Variants in MYO5B observed in about 807,000 individuals in gnomAD.
MYO5B encodes the protein myosin VB, also known as unconventional myosin-Vb.
Under a neutral mutation model 229.3 loss-of-function variants are expected in MYO5B, and 143 were observed. The observed-to-expected ratio is 0.62, with a 90% CI of 0.54 to 0.72. The LOEUF (loss-of-function observed/expected upper bound fraction) is 0.72, where lower values mean the gene tolerates loss of function less well. Among genes scored for constraint, MYO5B ranks in the 30% least tolerant of loss-of-function variants. The probability of loss-of-function intolerance (pLI) is 0.00; values close to 1 mark genes in which losing one functional copy is unlikely to be tolerated. For synonymous variants in MYO5B, 918 were observed against 885.2 expected (o/e 1.04, Z -0.66); for missense variants, 2,321 against 2,331.0 (o/e 1.00, Z 0.09).
intron 2 of MYO5B, among the ~76,000 whole-genome samples, chr18:50,043,701 T>C (rs1004990679): frequency 6.3e-5 from 9 of 141,786 alleles, no homozygotes; most frequent in Admixed American, 4.5e-4. Flanking sequence ...TATATATTTA[T>C]ATATAAAGTG....
chr18:50,168,202 C>A (rs1283835570), intron 1 of MYO5B, among the ~76,000 whole-genome samples: 1 of 152,230 alleles, frequency 6.6e-6, no homozygotes, highest in Non-Finnish European at 1.5e-5. Flanking sequence ...GCATCCGAGT[C>A]AAACCTCCTC....
At chr18:49,863,137 T>A in intron 29 of MYO5B, 90 bp downstream of exon 29, 2 of 943,916 alleles carry the variant, frequency 2.1e-6, no homozygotes, top group Admixed American at 3.5e-5. Context: ...GAGCACATGG[T>A]CATCACCTGA....
In MYO5B at chr18:49,858,076, G is replaced by GC. The variant is rs200349216; in HGVS notation, c.3945-1187dup. Among the ~76,000 whole-genome samples, 1,393 of 152,170 alleles carry GC rather than the reference G, an allele frequency of 9.2e-3. 10 individuals carry two copies. The highest frequency in any genetic ancestry group is 0.029 in the South Asian group (139 of 4,814). ...TGTAAACCAAAAATAAAATCCTAAG[G>GC]CCCCCCACCATCTGAAGGGACTTCC... On this transcript the variant is annotated intron_variant, in intron 29 of 39. Coordinates refer to ENST00000285039, the MANE Select transcript of MYO5B (RefSeq NM_001080467.3).
intron 34 of MYO5B, among the ~76,000 whole-genome samples, chr18:49,842,832 G>A (rs1015391348): frequency 6.6e-6 from 1 of 152,180 alleles, no homozygotes; most frequent in Non-Finnish European, 1.5e-5. Context: ...GCAAGCACCC[G>A]GCCCCTTGGA....
chr18:50,079,973 C>T (rs541767810), intron 1 of MYO5B, among the ~76,000 whole-genome samples: 2 of 152,198 alleles, frequency 1.3e-5, no homozygotes, highest in Non-Finnish European at 2.9e-5. Context: ...CTCCTGCTAC[C>T]AGTGTCATTT....
chr18:49,830,580 G>C (rs1445531608), intron 39 of MYO5B, among the ~76,000 whole-genome samples: 4 of 152,108 alleles, frequency 2.6e-5, no homozygotes, highest in Admixed American at 2.6e-4. Context: ...AGGTGCAATG[G>C]CTCATGCCTG....
intron 17 of MYO5B, among the ~76,000 whole-genome samples, chr18:49,922,709 G>T (rs757755389): frequency 6.6e-6 from 1 of 151,736 alleles, no homozygotes; most frequent in Admixed American, 6.6e-5. Flanking sequence ...CACAGAATTA[G>T]AGAACAGTTC....
intron 39 of MYO5B, among the ~76,000 whole-genome samples, chr18:49,827,573 A>C (rs897489039): frequency 6.6e-6 from 1 of 152,184 alleles, no homozygotes; most frequent in Non-Finnish European, 1.5e-5. Flanking sequence ...AGACTTGAGC[A>C]GGCAGAAGAA....
At chr18:50,167,515 A>G (rs2032869110) in intron 1 of MYO5B, among the ~76,000 whole-genome samples, 1 of 152,148 alleles carries the variant, frequency 6.6e-6, no homozygotes, top group African/African-American at 2.4e-5. Context: ...ACCTCTAGAA[A>G]CTCAATTTAT....
intron 1 of MYO5B, among the ~76,000 whole-genome samples, chr18:50,153,329 C>G (rs1283143687): frequency 6.6e-6 from 1 of 152,140 alleles, no homozygotes; most frequent in Non-Finnish European, 1.5e-5. Context: ...GGAAGGATCC[C>G]CTGTGCAACA....
chr18:50,103,240 T>TA (rs975519800), intron 1 of MYO5B, among the ~76,000 whole-genome samples: 2 of 152,244 alleles, frequency 1.3e-5, no homozygotes, highest in African/African-American at 4.8e-5. Context: ...AGGTGCTGCC[T>TA]AGCCATTCAT....
chr18:49,910,181 C>T (rs1382069055), intron 18 of MYO5B, among the ~76,000 whole-genome samples: 1 of 152,226 alleles, frequency 6.6e-6, no homozygotes, highest in Non-Finnish European at 1.5e-5. Flanking sequence ...GAGCACATCA[C>T]AGCAGCAGCC....
chr18:50,087,128 GCT>G (rs1228801285), intron 1 of MYO5B, among the ~76,000 whole-genome samples: 2 of 152,176 alleles, frequency 1.3e-5, no homozygotes, highest in African/African-American at 2.4e-5. Context: ...TCCTATTTCA[GCT>G]CTCTCTCAGT....
intron 18 of MYO5B, among the ~76,000 whole-genome samples, chr18:49,910,261 T>C (rs1023414520): frequency 1.3e-5 from 2 of 151,960 alleles, no homozygotes; most frequent in African/African-American, 4.8e-5. Flanking sequence ...GCCAGTCTGA[T>C]CCGGGTCCCC....
At chr18:49,883,205 C>G (rs912794663) in intron 22 of MYO5B, among the ~76,000 whole-genome samples, 1 of 152,186 alleles carries the variant, frequency 6.6e-6, no homozygotes, top group African/African-American at 2.4e-5. Context: ...AAGATAAAAG[C>G]ATCCAGAATG....
chr18:50,034,668 TG>T (rs1401735762), intron 4 of MYO5B, among the ~76,000 whole-genome samples: 1 of 151,960 alleles, frequency 6.6e-6, no homozygotes, highest in African/African-American at 2.4e-5. Context: ...CACTTGAACC[TG>T]GGGGGCGGAG....
At chr18:50,113,622 G>C (rs1051576284) in intron 1 of MYO5B, among the ~76,000 whole-genome samples, 6 of 152,188 alleles carry the variant, frequency 3.9e-5, no homozygotes, top group Non-Finnish European at 7.3e-5. Flanking sequence ...GTACATTAAA[G>C]AATGCTCCAA....
chr18:49,884,714 G>A (rs1412863685), intron 22 of MYO5B, among the ~76,000 whole-genome samples: 1 of 152,074 alleles, frequency 6.6e-6, no homozygotes, highest in Non-Finnish European at 1.5e-5. Flanking sequence ...GACCACTACT[G>A]GTCCATGGCC....
chr18:50,011,699 T>C (rs2144343640), intron 4 of MYO5B, among the ~76,000 whole-genome samples: 2 of 152,074 alleles, frequency 1.3e-5, no homozygotes, highest in East Asian at 2.0e-4. Context: ...CGAAGCCCTG[T>C]TCCTCCTCCT....
Sources: gnomAD v4.1 joint callset for allele counts (sites outside exome capture counted in the v4.1 genomes callset) on GRCh38, gnomAD v4.1.1 for gene constraint, MANE v1.5 for transcripts, NCBI Gene and HGNC (gene_info 2026-07-23, HGNC 2026-07-21) for gene names.